Variants in PEBP4 observed in about 807,000 individuals in gnomAD.
PEBP4 encodes phosphatidylethanolamine-binding protein 4.
A neutral mutation model predicts 23.9 loss-of-function variants in PEBP4; 22 were observed. The ratio of observed to expected loss-of-function variants is 0.92; its 90% CI spans 0.66 to 1.31. The LOEUF (loss-of-function observed/expected upper bound fraction) is 1.31. PEBP4 is among the 40% of genes most tolerant of loss of function. PEBP4 has a pLI of 0.00. For synonymous variants in PEBP4, 112 were observed against 99.3 expected, an observed-to-expected ratio of 1.13 and a Z score of -0.76; for missense variants, 324 against 281.7, an observed-to-expected ratio of 1.15 and a Z score of -1.07.
chr8:22,766,623 C>A (rs1156529920), intron 4 of PEBP4, among the ~76,000 whole-genome samples: 2 of 152,146 alleles, frequency 1.3e-5, no homozygotes, highest in Non-Finnish European at 2.9e-5. Flanking sequence ...GTGGGGGTAA[C>A]CAAAAATGGA....
At chr8:22,863,854 A>T (rs747153809) in intron 3 of PEBP4, among the ~76,000 whole-genome samples, 34 of 152,102 alleles carry the variant, frequency 2.2e-4, no homozygotes, top group Non-Finnish European at 4.4e-4. Context: ...AGGATGTGTC[A>T]CTCTGGATCT....
At chr8:22,848,082 T>C (rs1477399000) in intron 3 of PEBP4, among the ~76,000 whole-genome samples, 1 of 152,174 alleles carries the variant, frequency 6.6e-6, no homozygotes, top group East Asian at 1.9e-4. Flanking sequence ...AAAAGCCGTT[T>C]TATGCCTCAT....
chr8:22,790,174 T>C (rs1166395286), intron 4 of PEBP4, among the ~76,000 whole-genome samples: 3 of 152,236 alleles, frequency 2.0e-5, no homozygotes, highest in East Asian at 1.9e-4. Flanking sequence ...CCTTCAACCA[T>C]TGCATGGGCT....
chr8:22,786,148 C>G (rs1004434171), intron 4 of PEBP4, among the ~76,000 whole-genome samples: 1 of 152,152 alleles, frequency 6.6e-6, no homozygotes, highest in East Asian at 1.9e-4. Context: ...AACACTAAAC[C>G]GTTTGTTCTG....
chr8:22,717,508 G>A (rs1804439238), intron 6 of PEBP4, among the ~76,000 whole-genome samples: 1 of 152,220 alleles, frequency 6.6e-6, no homozygotes, highest in Admixed American at 6.5e-5. Flanking sequence ...GTAGGAAGCT[G>A]AGGGAGGGAG....
At chr8:22,759,244 GACGGAGGCCC>G (rs1222012236) in intron 4 of PEBP4, among the ~76,000 whole-genome samples, 2 of 147,690 alleles carry the variant, frequency 1.4e-5, no homozygotes, top group East Asian at 2.1e-4. Context: ...ACCCCGCATA[GACGGAGGCCC>G]AGGGAGGCCC....
intron 3 of PEBP4, among the ~76,000 whole-genome samples, chr8:22,917,302 C>T (rs1179926637): frequency 1.3e-5 from 2 of 152,176 alleles, no homozygotes; most frequent in Non-Finnish European, 2.9e-5. Flanking sequence ...CTCAGGCTCC[C>T]CGCACCCTTT....
chr8:22,798,904 ATTTG>A (rs57790345), intron 4 of PEBP4, among the ~76,000 whole-genome samples: 1,650 of 151,442 alleles, frequency 0.011, 21 homozygotes, highest in African/African-American at 0.032. Flanking sequence ...TGCCCGGCTA[ATTTG>A]TTTATTTTTA....
At chr8:22,939,908 A>T (rs1050453320) in intron 1 of PEBP4, among the ~76,000 whole-genome samples, 1 of 152,322 alleles carries the variant, frequency 6.6e-6, no homozygotes, top group South Asian at 2.1e-4. Flanking sequence ...CTCAGCAATC[A>T]ACAGTTGACT....
chr8:22,804,476 T>G (rs1162221111), intron 4 of PEBP4, among the ~76,000 whole-genome samples: 1 of 152,148 alleles, frequency 6.6e-6, no homozygotes, highest in African/African-American at 2.4e-5. Flanking sequence ...CTTTCTTTCT[T>G]TCTTTTTTAT....
chr8:22,826,993 A>G (rs1017404084), intron 3 of PEBP4, among the ~76,000 whole-genome samples: 1 of 152,198 alleles, frequency 6.6e-6, no homozygotes, highest in Admixed American at 6.5e-5. Flanking sequence ...GCTGAGAGGT[A>G]AAGAAGGATG....
At chr8:22,915,504 G>C (rs1809054642) in intron 3 of PEBP4, among the ~76,000 whole-genome samples, 1 of 151,918 alleles carries the variant, frequency 6.6e-6, no homozygotes, top group South Asian at 2.1e-4. Context: ...CCCGCTACCT[G>C]TCTATCTCCC....
intron 3 of PEBP4, chr8:22,880,481 G>C (rs1258543678): frequency 6.6e-6 from 1 of 152,244 alleles, no homozygotes; most frequent in Non-Finnish European, 1.5e-5. Flanking sequence ...GCGATCACCA[G>C]CTTTACACTC....
In PEBP4 at chr8:22,844,698, A is replaced by C. The variant is rs2128766209; in HGVS notation, c.259-26963T>G. ...TATTCCTCCAGGAGTTCAGGGAGAG[A>C]CCACTCCTTCCTAGCCAAGGACTTC... On this transcript the variant is annotated intron_variant, in intron 3 of 6. Coordinates refer to ENST00000256404, the MANE Select transcript of PEBP4 (RefSeq NM_144962.3). 1.3e-5 allele frequency among the ~76,000 whole-genome samples: 2 copies of C among 152,182 alleles called. 1 individual carries two copies. Among genetic ancestry groups the C allele is most frequent in the South Asian group, 4.2e-4 (2 of 4,818 alleles).
intron 6 of PEBP4, among the ~76,000 whole-genome samples, chr8:22,720,721 C>G (rs941066080): frequency 2.6e-5 from 4 of 151,708 alleles, no homozygotes; most frequent in Non-Finnish European, 5.9e-5. Context: ...GTTTAGATTT[C>G]AGGGGTCTCT....
chr8:22,883,018 C>A (rs140619693), intron 3 of PEBP4, among the ~76,000 whole-genome samples: 3 of 152,146 alleles, frequency 2.0e-5, no homozygotes, highest in Non-Finnish European at 4.4e-5. Context: ...TGTGGCCCTG[C>A]GAGACATACC....
At chr8:22,920,043 T>A (rs1298431762) in intron 3 of PEBP4, 141 bp downstream of exon 3, 7 of 1,025,186 alleles carry the variant, frequency 6.8e-6, no homozygotes, top group Non-Finnish European at 9.7e-6. Flanking sequence ...AGGCACAACT[T>A]TATGGCAACA....
At chr8:22,718,716 G>T (rs1249336894) in intron 6 of PEBP4, among the ~76,000 whole-genome samples, 2 of 152,142 alleles carry the variant, frequency 1.3e-5, no homozygotes, top group African/African-American at 4.8e-5. Context: ...TGGGCCAGGT[G>T]AACCACCATG....
chr8:22,779,717 G>A (rs1297295811), intron 4 of PEBP4, among the ~76,000 whole-genome samples: 2 of 152,188 alleles, frequency 1.3e-5, no homozygotes, highest in Non-Finnish European at 2.9e-5. Context: ...CACTGGGAAG[G>A]GTGAGGAAAG....
Sources: allele counts gnomAD v4.1 joint callset (sites outside exome capture counted in the v4.1 genomes callset), GRCh38; gene constraint gnomAD v4.1.1; transcripts MANE v1.5; gene names NCBI Gene and HGNC (gene_info 2026-07-23, HGNC 2026-07-21).